The following WFDC5 variants were observed in gnomAD, a reference collection of about 807,000 sequenced individuals.
WFDC5 encodes the protein WAP four-disulfide core domain 5.
Under a neutral mutation model 15.7 loss-of-function variants are expected in WFDC5, and 15 were observed. That is an observed-to-expected ratio of 0.96 (90% CI 0.64 to 1.47). The LOEUF is 1.47. Ranked by LOEUF, WFDC5 falls within the 40% of genes most tolerant of loss-of-function variation. WFDC5 has a pLI of 0.00. For synonymous variants in WFDC5, 109 were observed against 107.7 expected, an observed-to-expected ratio of 1.01 and a Z score of -0.07; for missense variants, 280 against 258.0, an observed-to-expected ratio of 1.09 and a Z score of -0.59.
At chr20:45,111,280 G>A (rs1052358707) in intron 1 of WFDC5, among the ~76,000 whole-genome samples, 3 of 115,840 alleles carry the variant, frequency 2.6e-5, no homozygotes, top group Admixed American at 8.2e-5. Context: ...CTAGGTCAGC[G>A]CCCCCCCACC....
At chr20:45,110,405 G>C in exon 3 of WFDC5, 1 of 1,602,382 alleles carries the variant, frequency 6.2e-7, no homozygotes, top group Non-Finnish European at 8.5e-7. Context: ...CGTACCTCTG[G>C]CAGGATCCCG....
At chr20:45,115,657 G>A (rs1321018450), upstream of WFDC5, among the ~76,000 whole-genome samples, 9 of 152,114 alleles carry the variant, frequency 5.9e-5, no homozygotes, top group African/African-American at 1.9e-4. Context: ...AGACCACCCC[G>A]CCTTTGGTGA....
At chr20:45,109,594 G>C (rs1369428284) in exon 4 of WFDC5, 2 of 620,968 alleles carry the variant, frequency 3.2e-6, no homozygotes. Context: ...TCATGAAAGA[G>C]GTGAATGACT....
chr20:45,114,909 G>T, intron 1 of WFDC5, 90 bp downstream of exon 1: 2 of 1,393,074 alleles, frequency 1.4e-6, no homozygotes, highest in Non-Finnish European at 9.9e-7. Flanking sequence ...ACACCCCACA[G>T]GGCATTACCT....
chr20:45,114,059 C>T (rs1600610820), intron 1 of WFDC5, among the ~76,000 whole-genome samples: 1 of 152,198 alleles, frequency 6.6e-6, no homozygotes, highest in South Asian at 2.1e-4. Context: ...TCCTCATCTG[C>T]AAAATGGGGA....
intron 1 of WFDC5, 120 bp downstream of exon 1, chr20:45,114,879 G>A (rs917806946): frequency 3.4e-4 from 296 of 866,376 alleles, no homozygotes; most frequent in Non-Finnish European, 4.3e-4. Flanking sequence ...ACGCACGCAC[G>A]CACACACACA....
chr20:45,110,136 C>A, intron 3 of WFDC5, 123 bp from the exon 4 acceptor site: 1 of 1,413,262 alleles, frequency 7.1e-7, no homozygotes. Context: ...ATTCCTCTGC[C>A]CCCTTCAAAA....
chr20:45,110,050 T>C (rs374974771), intron 3 of WFDC5, 37 bp from the exon 4 acceptor site: 58 of 1,600,636 alleles, frequency 3.6e-5, no homozygotes, highest in Admixed American at 5.0e-5. Flanking sequence ...TTCCTTCCCA[T>C]AATAGGGCTC....
chr20:45,116,241 C>T (rs965415373), upstream of WFDC5, among the ~76,000 whole-genome samples: 19 of 152,244 alleles, frequency 1.2e-4, no homozygotes, highest in Middle Eastern at 6.8e-3. Context: ...ATCTCTCGTG[C>T]TGTCTTCTAA....
chr20:45,110,164 G>A, intron 3 of WFDC5, 151 bp from the exon 4 acceptor site: 1 of 1,287,902 alleles, frequency 7.8e-7, no homozygotes, highest in Non-Finnish European at 1.0e-6. Context: ...CAGAAGCCCA[G>A]AGCAGTTTAG....
At chr20:45,110,908 T>C in intron 1 of WFDC5, 133 bp from the exon 2 acceptor site, 8 of 1,242,716 alleles carry the variant, frequency 6.4e-6, no homozygotes, top group Non-Finnish European at 7.7e-6. Context: ...GTTATTTTTG[T>C]TTGTTTGTTT....
exon 4 of WFDC5, chr20:45,109,552 A>C (rs1044885203): frequency 1.8e-5 from 11 of 597,914 alleles, no homozygotes; most frequent in Non-Finnish European, 3.3e-5. Flanking sequence ...CGTGCAACCT[A>C]TCATGGTGCT....
chr20:45,113,029 CAGAG>C (rs926941271), intron 1 of WFDC5, among the ~76,000 whole-genome samples: 1 of 152,064 alleles, frequency 6.6e-6, no homozygotes, highest in Non-Finnish European at 1.5e-5. Flanking sequence ...TGTATGTGAA[CAGAG>C]AGACATACAT....
upstream of WFDC5, among the ~76,000 whole-genome samples, chr20:45,115,456 G>A (rs747300705): frequency 7.9e-5 from 12 of 152,202 alleles, no homozygotes; most frequent in South Asian, 2.1e-4. Context: ...AAGCCCCAGC[G>A]ATGTCTAGGC....
chr20:45,110,776 C>G lies in WFDC5; in HGVS notation c.86-1G>C. Reference sequence around the variant, plus strand: ...TCTGGCGGGCAGCCCCCCGATTTCTCTGTAAGAGAATCTCCTAATATTGCA... The same window carrying G: ...TCTGGCGGGCAGCCCCCCGATTTCTGTGTAAGAGAATCTCCTAATATTGCA... On this transcript the variant is annotated splice_acceptor_variant, in intron 1 of 3. Coordinates refer to ENST00000307971, the Ensembl canonical transcript of WFDC5. LOFTEE classifies it high-confidence loss of function. 6.2e-7 allele frequency: 1 copy of G among 1,613,880 alleles called. No homozygotes were observed. The highest frequency in any genetic ancestry group is 8.5e-7 in the Non-Finnish European group (1 of 1,180,030).
chr20:45,114,484 A>G (rs1357153716), intron 1 of WFDC5, among the ~76,000 whole-genome samples: 2 of 152,144 alleles, frequency 1.3e-5, no homozygotes, highest in African/African-American at 2.4e-5. Flanking sequence ...TCCCTTCCAC[A>G]GATGGGGTGG....
chr20:45,113,991 C>T (rs532932038), intron 1 of WFDC5, among the ~76,000 whole-genome samples: 1 of 152,156 alleles, frequency 6.6e-6, no homozygotes, highest in East Asian at 1.9e-4. Flanking sequence ...CCACATTTGG[C>T]ACTAACTCAG....
chr20:45,110,749 C>G (rs1235226940), exon 2 of WFDC5: 1 of 1,614,166 alleles, frequency 6.2e-7, no homozygotes. Flanking sequence ...CAGGGCCCAT[C>G]ATCTGGCGGG....
rs571476640 is a variant in WFDC5, at chr20:45,110,793, A to G, written c.86-18T>C. The G allele has an allele frequency of 2.2e-4, 358 of 1,613,310 alleles. 5 individuals carry two copies. The South Asian group carries it at 3.7e-3, about 17-fold the overall frequency. On this transcript the variant is annotated intron_variant, in intron 1 of 3. Coordinates refer to ENST00000307971, the Ensembl canonical transcript of WFDC5. Reference sequence around the variant, plus strand: ...CGATTTCTCTGTAAGAGAATCTCCTAATATTGCAGCTGGAGGAAGCTCACG... The same window carrying G: ...CGATTTCTCTGTAAGAGAATCTCCTGATATTGCAGCTGGAGGAAGCTCACG...
Sources: gnomAD v4.1 joint callset for allele counts (sites outside exome capture counted in the v4.1 genomes callset) on GRCh38, gnomAD v4.1.1 for gene constraint, MANE v1.5 for transcripts, NCBI Gene and HGNC (gene_info 2026-07-23, HGNC 2026-07-21) for gene names.